RALYL: variants seen among roughly 807,000 people sequenced by gnomAD.
RALYL encodes RALY RNA binding protein like.
In RALYL, 29 loss-of-function variants were observed where a neutral mutation model predicts 35.1. The ratio of observed to expected loss-of-function variants is 0.83; its 90% CI spans 0.61 to 1.13. The LOEUF is 1.13. Among genes scored for constraint, RALYL ranks in the 50% most tolerant of loss-of-function variants. The pLI is 0.00. For synonymous variants in RALYL, 120 were observed against 127.6 expected, an observed-to-expected ratio of 0.94 and a Z score of 0.40; for missense variants, 359 against 360.4, an observed-to-expected ratio of 1.00 and a Z score of 0.03.
intron 2 of RALYL, among the ~76,000 whole-genome samples, chr8:84,761,590 TCCTAACTAGAA>T (rs1308852475): frequency 6.6e-5 from 10 of 152,118 alleles, no homozygotes; most frequent in African/African-American, 2.4e-4. Context: ...TGCAAGATCA[TCCTAACTAGAA>T]CCTTGTTCAT....
At chr8:84,834,173 C>T (rs1400381493) in intron 4 of RALYL, among the ~76,000 whole-genome samples, 1 of 152,142 alleles carries the variant, frequency 6.6e-6, no homozygotes. Context: ...TGGTTATTCT[C>T]AACAAACATG....
At chr8:84,587,968 C>T (rs1812365433) in intron 2 of RALYL, among the ~76,000 whole-genome samples, 1 of 152,118 alleles carries the variant, frequency 6.6e-6, no homozygotes, top group African/African-American at 2.4e-5. Flanking sequence ...GAGTTGTCAG[C>T]CTCCTAAAGA....
chr8:84,386,502 T>A (rs1210457381), intron 1 of RALYL, among the ~76,000 whole-genome samples: 1 of 151,898 alleles, frequency 6.6e-6, no homozygotes, highest in African/African-American at 2.4e-5. Flanking sequence ...ATGACCACTT[T>A]GTAACTTATC....
intron 2 of RALYL, among the ~76,000 whole-genome samples, chr8:84,699,733 T>C (rs903273768): frequency 6.6e-6 from 1 of 152,122 alleles, no homozygotes. Context: ...CAATAAACTA[T>C]ATAATCACTT....
intron 8 of RALYL, among the ~76,000 whole-genome samples, chr8:84,910,355 T>C (rs1460414507): frequency 6.6e-6 from 1 of 152,114 alleles, no homozygotes; most frequent in African/African-American, 2.4e-5. Context: ...AGTCATACTA[T>C]CAAAGTCTTG....
intron 2 of RALYL, among the ~76,000 whole-genome samples, chr8:84,750,175 A>T (rs1041654574): frequency 2.0e-5 from 3 of 152,244 alleles, no homozygotes; most frequent in African/African-American, 7.2e-5. Context: ...TAGTACAGTA[A>T]AAGCCTTGTT....
intron 8 of RALYL, among the ~76,000 whole-genome samples, chr8:84,902,014 C>T (rs767905834): frequency 1.3e-5 from 2 of 152,118 alleles, no homozygotes; most frequent in Non-Finnish European, 2.9e-5. Context: ...TAATGAGGCT[C>T]ACATAAAATT....
chr8:84,812,933 C>T (rs77108457), intron 4 of RALYL, among the ~76,000 whole-genome samples: 1,576 of 152,316 alleles, frequency 0.01, 23 homozygotes, highest in African/African-American at 0.036. Flanking sequence ...GGCTAGGAGG[C>T]TTCTTGCCCC....
At chr8:84,588,290 C>T (rs1812439129) in intron 2 of RALYL, among the ~76,000 whole-genome samples, 2 of 152,148 alleles carry the variant, frequency 1.3e-5, no homozygotes, top group Non-Finnish European at 2.9e-5. Flanking sequence ...TGGTAAAACA[C>T]CTTTCTTTAT....
At chr8:84,434,650 A>G (rs966646705) in intron 1 of RALYL, among the ~76,000 whole-genome samples, 3 of 152,184 alleles carry the variant, frequency 2.0e-5, no homozygotes, top group Non-Finnish European at 2.9e-5. Flanking sequence ...TTCATATCAA[A>G]TAATTACTGA....
At chr8:84,738,583 G>A (rs1490833447) in intron 2 of RALYL, among the ~76,000 whole-genome samples, 1 of 151,938 alleles carries the variant, frequency 6.6e-6, no homozygotes, top group Non-Finnish European at 1.5e-5. Context: ...AGTTGGAAAA[G>A]CATAATTGAT....
chr8:84,797,408 T>C (rs975864612), intron 3 of RALYL, among the ~76,000 whole-genome samples: 5 of 152,186 alleles, frequency 3.3e-5, no homozygotes, highest in African/African-American at 1.2e-4. Flanking sequence ...TTAGTTTTCT[T>C]ATATACTGTT....
intron 1 of RALYL, among the ~76,000 whole-genome samples, chr8:84,372,515 A>T (rs1855920947): frequency 1.3e-5 from 2 of 151,968 alleles, no homozygotes; most frequent in East Asian, 3.9e-4. Context: ...AGGTTGGAGG[A>T]TCACTTGAGG....
At chr8:84,482,869 C>G (rs547862961) in intron 1 of RALYL, among the ~76,000 whole-genome samples, 2 of 152,086 alleles carry the variant, frequency 1.3e-5, no homozygotes, top group Non-Finnish European at 2.9e-5. Flanking sequence ...TCTTGTAGGT[C>G]ACTGATTCAC....
intron 1 of RALYL, among the ~76,000 whole-genome samples, chr8:84,458,212 A>T (rs1325212583): frequency 6.6e-6 from 1 of 151,874 alleles, no homozygotes; most frequent in Admixed American, 6.6e-5. Flanking sequence ...TGCATGTGAC[A>T]ATTGATGGTT....
At chr8:84,713,365 G>A (rs889850200) in intron 2 of RALYL, among the ~76,000 whole-genome samples, 2 of 151,672 alleles carry the variant, frequency 1.3e-5, no homozygotes, top group Non-Finnish European at 2.9e-5. Context: ...CAGCTCAATA[G>A]CAATAAAATT....
At chr8:84,821,329 C>CATAA (rs1828478153) in intron 4 of RALYL, among the ~76,000 whole-genome samples, 1 of 152,092 alleles carries the variant, frequency 6.6e-6, no homozygotes, top group Admixed American at 6.6e-5. Flanking sequence ...ATGATATCTC[C>CATAA]ATAAATAAAC....
chr8:84,779,589 A>G (rs1457400387), intron 3 of RALYL, among the ~76,000 whole-genome samples: 2 of 152,244 alleles, frequency 1.3e-5, no homozygotes, highest in African/African-American at 2.4e-5. Context: ...ATGAGAATCA[A>G]GATTGTCACA....
At chr8:84,336,530 T>C (rs755272949) in intron 1 of RALYL, among the ~76,000 whole-genome samples, 14 of 152,146 alleles carry the variant, frequency 9.2e-5, no homozygotes, top group Non-Finnish European at 1.9e-4. Context: ...AGTTTCTACA[T>C]GCCTTAGGGA....
Sources: allele counts gnomAD v4.1 joint callset (sites outside exome capture counted in the v4.1 genomes callset), GRCh38; gene constraint gnomAD v4.1.1; transcripts MANE v1.5; gene names NCBI Gene and HGNC (gene_info 2026-07-23, HGNC 2026-07-21).